Variants in BRINP2 observed in about 807,000 individuals in gnomAD.
BRINP2 encodes BMP/retinoic acid inducible neural specific 2, also known as BMP/retinoic acid-inducible neural-specific protein 2.
BRINP2 carries 21 observed loss-of-function variants against 69.2 expected under a neutral mutation model. That is an observed-to-expected ratio of 0.30 (90% CI 0.22 to 0.44). The LOEUF is 0.44. BRINP2 is among the 20% of genes least tolerant of loss of function. The pLI is 1.00. For synonymous variants in BRINP2, 380 were observed against 394.1 expected (o/e 0.96, Z 0.42); for missense variants, 877 against 986.0 (o/e 0.89, Z 1.48).
intron 1 of BRINP2, among the ~76,000 whole-genome samples, chr1:177,208,421 A>G (rs2102308924): frequency 6.6e-6 from 1 of 152,344 alleles, no homozygotes; most frequent in Non-Finnish European, 1.5e-5. Context: ...ATAAGTAGAT[A>G]AGTACTGTCT....
At chr1:177,267,129 T>A (rs570716913) in intron 4 of BRINP2, among the ~76,000 whole-genome samples, 10 of 152,028 alleles carry the variant, frequency 6.6e-5, no homozygotes, top group Non-Finnish European at 1.2e-4. Context: ...ATAAGCATGC[T>A]TAGTTGAAAG....
At chr1:177,233,502 GATA>G (rs1649925969) in intron 2 of BRINP2, among the ~76,000 whole-genome samples, 1 of 152,210 alleles carries the variant, frequency 6.6e-6, no homozygotes, top group Non-Finnish European at 1.5e-5. Context: ...ATGCAGGAAG[GATA>G]ATGAGATAAG....
chr1:177,191,187 A>G (rs556462508), intron 1 of BRINP2, among the ~76,000 whole-genome samples: 22 of 152,314 alleles, frequency 1.4e-4, no homozygotes, highest in African/African-American at 4.8e-4. Flanking sequence ...TTCTAACTGA[A>G]TAAGTGGTGA....
chr1:177,207,416 G>A (rs1649098009), intron 1 of BRINP2, among the ~76,000 whole-genome samples: 1 of 152,104 alleles, frequency 6.6e-6, no homozygotes, highest in Non-Finnish European at 1.5e-5. Flanking sequence ...AACAAGTGTT[G>A]TCATAGGATG....
intron 1 of BRINP2, among the ~76,000 whole-genome samples, chr1:177,203,728 T>C (rs1648989222): frequency 1.3e-5 from 2 of 152,140 alleles, no homozygotes; most frequent in Non-Finnish European, 2.9e-5. Context: ...TAAAAGATGC[T>C]AGGGATAAAA....
In BRINP2 at chr1:177,209,415, C is replaced by G. The variant is rs547418517; in HGVS notation, c.-76-20386C>G. On this transcript the variant is annotated intron_variant, in intron 1 of 7. Coordinates refer to ENST00000361539, the MANE Select transcript of BRINP2 (RefSeq NM_021165.4). Reference sequence around the variant, plus strand: ...GATGGAGTGAGACAGAAAGCCTCTTCCTGCTGAATCACCAGCACCAGTTCC... The same window carrying G: ...GATGGAGTGAGACAGAAAGCCTCTTGCTGCTGAATCACCAGCACCAGTTCC... Among the ~76,000 whole-genome samples, 14 of 152,198 alleles carry G rather than the reference C, an allele frequency of 9.2e-5. No individual in the cohort carries two copies. The East Asian group carries it at 2.7e-3, about 29-fold the overall frequency.
rs779884072 is a variant in BRINP2 at position 177,257,322 on chromosome 1, A to G, written c.607A>G (p.Ile203Val). 15 of 1,613,912 alleles carry G rather than the reference A, an allele frequency of 9.3e-6. No homozygotes were observed. In the Admixed American group the frequency reaches 1.2e-4, roughly 13 times the overall value. Residue 203 changes from isoleucine (I) to valine (V), a missense_variant, in exon 4 of 8, where the codon ATC (isoleucine) becomes GTC (valine). Ile to Val is a conservative substitution (Grantham distance 29, BLOSUM62 3). Transcript: ENST00000361539. Reference protein sequence around the residue: ...TLHQLAASYFIDRESTLRRLH... With the variant: ...TLHQLAASYFVDRESTLRRLH... ...GCACCAGCTGGCCGCCTCCTACTTC[A>G]TCGACAGAGAGAGCACGCTGCGACG...
At position 177,239,379 on chromosome 1, in the gene BRINP2, G is replaced by A. The variant is rs183624456; in HGVS notation, c.269+9234G>A. Among the ~76,000 whole-genome samples the A allele has an allele frequency of 4.5e-4, 68 of 152,300 alleles. 2 individuals carry two copies. In the Middle Eastern group the frequency reaches 0.01, roughly 23 times the overall value. On this transcript the variant is annotated intron_variant, in intron 2 of 7. Coordinates refer to ENST00000361539, the MANE Select transcript of BRINP2 (RefSeq NM_021165.4). ...TGCTGGTGTGTTTCTACAAGGGTGCGATGTAAATCGAATTTCTGTAAATCG... is the reference window on the plus strand; with the variant it reads ...TGCTGGTGTGTTTCTACAAGGGTGCAATGTAAATCGAATTTCTGTAAATCG...
rs773810112 is a variant in BRINP2 at position 177,280,821 on chromosome 1, C to T, written c.1645C>T (p.Arg549Cys). Reference protein sequence around the residue: ...GSWFDPSWRKRMLLTLKSNKY... With the variant: ...GSWFDPSWRKCMLLTLKSNKY... The stretch of plus-strand genomic sequence containing the variant: ...CTGGTTTGACCCTTCCTGGAGGAAG[C>T]GCATGCTGCTCACCCTGAAGAGCAA... The change falls in exon 8 of 8, where the codon CGC (arginine) becomes TGC (cysteine). Residue 549 changes from arginine to cysteine, a missense_variant. By Grantham distance (180) the Arg-to-Cys change is radical (BLOSUM62 -3). This residue lies in a region of BRINP2 where 86 missense variants were observed against 142.1 expected (regional missense o/e 0.61). Coordinates refer to ENST00000361539, the MANE Select transcript of BRINP2 (RefSeq NM_021165.4). 5.6e-6 allele frequency: 9 copies of T among 1,613,828 alleles called. No homozygotes were observed. The highest frequency in any genetic ancestry group is 7.6e-6 in the Non-Finnish European group (9 of 1,179,930).
intron 1 of BRINP2, among the ~76,000 whole-genome samples, chr1:177,227,771 T>A (rs928739195): frequency 7.2e-5 from 11 of 152,256 alleles, no homozygotes; most frequent in Non-Finnish European, 1.5e-4. Flanking sequence ...TAGTGTCTGA[T>A]GCTTTTTTTC....
rs146282195 is a variant in BRINP2, at chr1:177,210,254, CTTTCTATA to C, written c.-76-19543_-76-19536del. Among the ~76,000 whole-genome samples, 1,256 of 152,224 alleles carry C rather than the reference CTTTCTATA, an allele frequency of 8.3e-3. 17 individuals carry two copies. The highest frequency in any genetic ancestry group is 0.029 in the African/African-American group (1,209 of 41,526). Reference sequence around the variant, plus strand: ...CCTTGTGGTGCCATTCTGCTGTGTGCTTTCTATATTTACTCACCTAAGTTCCAGAGCAG... The same window carrying C: ...CCTTGTGGTGCCATTCTGCTGTGTGCTTTACTCACCTAAGTTCCAGAGCAG... On this transcript the variant is annotated intron_variant, in intron 1 of 7. Coordinates refer to ENST00000361539, the MANE Select transcript of BRINP2 (RefSeq NM_021165.4).
chr1:177,248,024 A>G (rs1378870797), intron 2 of BRINP2, among the ~76,000 whole-genome samples: 1 of 152,186 alleles, frequency 6.6e-6, no homozygotes, highest in East Asian at 1.9e-4. Context: ...TGACAGCCCT[A>G]TCTGTGGACT....
At chr1:177,185,376 A>G (rs1648396833) in intron 1 of BRINP2, among the ~76,000 whole-genome samples, 1 of 152,204 alleles carries the variant, frequency 6.6e-6, no homozygotes, top group Non-Finnish European at 1.5e-5. Context: ...GTGTTTAAAT[A>G]AATTTTCTAT....
intron 1 of BRINP2, among the ~76,000 whole-genome samples, chr1:177,196,571 T>C (rs1439753850): frequency 2.6e-5 from 4 of 151,798 alleles, no homozygotes; most frequent in South Asian, 2.1e-4. Flanking sequence ...TGAGCTGAGA[T>C]TGCGCCACTG....
At chr1:177,259,907 T>G (rs1292167010) in intron 4 of BRINP2, among the ~76,000 whole-genome samples, 3 of 152,228 alleles carry the variant, frequency 2.0e-5, no homozygotes, top group Non-Finnish European at 2.9e-5. Flanking sequence ...ATATTGTTTT[T>G]ATGCCTGCAA....
chr1:177,234,391 A>G (rs962942952), intron 2 of BRINP2, among the ~76,000 whole-genome samples: 2 of 152,170 alleles, frequency 1.3e-5, no homozygotes, highest in African/African-American at 2.4e-5. Context: ...ACACGCACCT[A>G]CTCAGGCACC....
At chr1:177,206,466 C>G (rs976144626) in intron 1 of BRINP2, among the ~76,000 whole-genome samples, 1 of 152,170 alleles carries the variant, frequency 6.6e-6, no homozygotes, top group African/African-American at 2.4e-5. Flanking sequence ...GTAGCTGAAT[C>G]TTTGTGTACA....
At chr1:177,206,013 C>G (rs1220166600) in intron 1 of BRINP2, among the ~76,000 whole-genome samples, 3 of 152,222 alleles carry the variant, frequency 2.0e-5, no homozygotes, top group African/African-American at 7.2e-5. Flanking sequence ...GCATTGCTAT[C>G]TCTTGGCTCA....
Position 177,276,408 on chromosome 1 carries a change from C to T in BRINP2, c.986C>T (p.Thr329Ile). 1.2e-6 allele frequency: 2 copies of T among 1,614,146 alleles called. No homozygotes were observed. The highest frequency in any genetic ancestry group is 1.6e-4 in the Middle Eastern group (1 of 6,062). ...SLLQIQDSWA[T>I]HNRQFEESEE... The stretch of plus-strand genomic sequence containing the variant: ...CTGCAGATCCAGGACTCCTGGGCCA[C>T]TCACAACCGGCAGTTTGAAGAGTCA... The change falls in exon 6 of 8, where the codon ACT becomes ATT. Residue 329 changes from threonine (T) to isoleucine (I), a missense_variant. Transcript: ENST00000361539.
Sources: allele counts gnomAD v4.1 joint callset (sites outside exome capture counted in the v4.1 genomes callset), GRCh38; gene constraint gnomAD v4.1.1; regional missense constraint gnomAD v4.1.1; transcripts MANE v1.5; gene names NCBI Gene and HGNC (gene_info 2026-07-23, HGNC 2026-07-21).